FGGY: variants seen among roughly 807,000 people sequenced by gnomAD.
FGGY encodes the protein FGGY carbohydrate kinase domain containing.
FGGY carries 72 observed loss-of-function variants against 71.3 expected under a neutral mutation model. The ratio of observed to expected loss-of-function variants is 1.01; its 90% CI spans 0.84 to 1.23. FGGY has a LOEUF of 1.23. Among genes scored for constraint, FGGY ranks in the 50% most tolerant of loss-of-function variants. The probability of loss-of-function intolerance (pLI) is 0.00; values close to 1 mark genes in which losing one functional copy is unlikely to be tolerated. For synonymous variants in FGGY, 251 were observed against 250.3 expected, an observed-to-expected ratio of 1.00 and a Z score of -0.02; for missense variants, 668 against 682.3, an observed-to-expected ratio of 0.98 and a Z score of 0.23.
chr1:59,729,528 T>C (rs1265791565), intron 14 of FGGY, among the ~76,000 whole-genome samples: 1 of 152,200 alleles, frequency 6.6e-6, no homozygotes, highest in Non-Finnish European at 1.5e-5. Context: ...CTGTGTTTAA[T>C]GTTTGTTATA....
chr1:59,741,592 C>T (rs2098147977), intron 14 of FGGY, among the ~76,000 whole-genome samples: 1 of 151,624 alleles, frequency 6.6e-6, no homozygotes, highest in Non-Finnish European at 1.5e-5. Context: ...TTGCTTGAGG[C>T]CAGAAATTCA....
At chr1:59,409,598 T>TTTTATATATA (rs1491271353) in intron 5 of FGGY, among the ~76,000 whole-genome samples, 2 of 105,760 alleles carry the variant, frequency 1.9e-5, no homozygotes, top group African/African-American at 6.1e-5. Context: ...GAAGAGTTTT[T>TTTTATATATA]TATATATATA....
At chr1:59,326,938 T>G (rs1186503777) in intron 2 of FGGY, among the ~76,000 whole-genome samples, 1 of 152,198 alleles carries the variant, frequency 6.6e-6, no homozygotes, top group African/African-American at 2.4e-5. Context: ...GTAATAGCAT[T>G]AGTCTAAAAA....
intron 8 of FGGY, among the ~76,000 whole-genome samples, chr1:59,581,587 A>G (rs11207482): frequency 0.16 from 23,713 of 149,794 alleles, 3,432 homozygotes; most frequent in South Asian, 0.32. Flanking sequence ...AGACTAGCAT[A>G]TAATAGACAT....
In FGGY at chr1:59,339,955, C is replaced by A. The variant is rs753384391; in HGVS notation, c.202-3C>A. 3.1e-6 allele frequency: 5 copies of A among 1,587,572 alleles called. No individual in the cohort carries two copies. The East Asian group carries it at 8.9e-5, about 28-fold the overall frequency. On this transcript the variant is annotated splice_polypyrimidine_tract_variant and splice_region_variant and intron_variant, in intron 2 of 15. Coordinates refer to ENST00000303721, the MANE Select transcript of FGGY (RefSeq NM_018291.5). ...TTTATGTTTTTATTTGTTTTTAAAA[C>A]AGAAAGTTGTACAAGGGATTGATTT...
intron 7 of FGGY, among the ~76,000 whole-genome samples, chr1:59,523,481 G>A (rs2094891706): frequency 6.6e-6 from 1 of 152,126 alleles, no homozygotes; most frequent in Non-Finnish European, 1.5e-5. Context: ...TCTCTTAGCT[G>A]TGCATTCATA....
At chr1:59,523,380 A>C (rs766903325) in intron 7 of FGGY, among the ~76,000 whole-genome samples, 2 of 152,168 alleles carry the variant, frequency 1.3e-5, no homozygotes, top group Non-Finnish European at 2.9e-5. Context: ...ATCTCTAGTT[A>C]TTGCCCCAAG....
chr1:59,451,194 G>C (rs564865763), intron 5 of FGGY, among the ~76,000 whole-genome samples: 70 of 151,570 alleles, frequency 4.6e-4, no homozygotes, highest in African/African-American at 1.6e-3. Flanking sequence ...TAAGTGTTTT[G>C]TTTCTACTAG....
intron 5 of FGGY, among the ~76,000 whole-genome samples, chr1:59,398,478 A>T (rs1263529357): frequency 1.7e-4 from 26 of 152,214 alleles, no homozygotes; most frequent in Non-Finnish European, 1.0e-4. Context: ...ACCTCAAATG[A>T]TCCACCTGCC....
chr1:59,469,712 C>T (rs747241283), intron 6 of FGGY, among the ~76,000 whole-genome samples: 11 of 152,054 alleles, frequency 7.2e-5, no homozygotes, highest in East Asian at 1.9e-4. Flanking sequence ...GCCTAGTACC[C>T]GTTATTTTTC....
At chr1:59,720,338 A>C (rs1006367907) in intron 14 of FGGY, among the ~76,000 whole-genome samples, 5 of 152,236 alleles carry the variant, frequency 3.3e-5, no homozygotes, top group African/African-American at 1.2e-4. Flanking sequence ...GGGGAAAAAA[A>C]GGTCCTTCAG....
At chr1:59,345,018 TTG>T (rs2153218524) in intron 3 of FGGY, among the ~76,000 whole-genome samples, 1 of 152,260 alleles carries the variant, frequency 6.6e-6, no homozygotes, top group East Asian at 1.9e-4. Flanking sequence ...AAAATACACT[TTG>T]TGCATTTCCC....
At chr1:59,343,777 C>T (rs560631966) in intron 3 of FGGY, among the ~76,000 whole-genome samples, 11 of 152,142 alleles carry the variant, frequency 7.2e-5, no homozygotes, top group Non-Finnish European at 1.5e-4. Flanking sequence ...TGATTCTGTA[C>T]AATTTTCATT....
intron 8 of FGGY, among the ~76,000 whole-genome samples, chr1:59,556,405 T>A (rs2095686999): frequency 6.6e-6 from 1 of 152,226 alleles, no homozygotes; most frequent in East Asian, 1.9e-4. Flanking sequence ...ACCCATTTAA[T>A]GTACACATTT....
intron 14 of FGGY, among the ~76,000 whole-genome samples, chr1:59,745,819 T>C (rs1002582190): frequency 6.6e-6 from 1 of 152,134 alleles, no homozygotes; most frequent in African/African-American, 2.4e-5. Flanking sequence ...AATGAAGTGA[T>C]GGAGATTCTG....
chr1:59,599,707 A>AG (rs1165260735), intron 8 of FGGY, among the ~76,000 whole-genome samples: 8 of 149,904 alleles, frequency 5.3e-5, no homozygotes, highest in African/African-American at 1.7e-4. Context: ...AAAAAAAAAA[A>AG]GGAATATGTA....
chr1:59,477,419 T>C (rs143485693), intron 6 of FGGY, among the ~76,000 whole-genome samples: 1 of 152,298 alleles, frequency 6.6e-6, no homozygotes, highest in Non-Finnish European at 1.5e-5. Context: ...AGTTGACTAA[T>C]GGCCTCCTCC....
At chr1:59,401,473 C>T (rs909090215) in intron 5 of FGGY, among the ~76,000 whole-genome samples, 2 of 152,146 alleles carry the variant, frequency 1.3e-5, no homozygotes, top group African/African-American at 2.4e-5. Flanking sequence ...TAGGCAATGC[C>T]AGAGACAGAC....
At chr1:59,516,320 A>G (rs998729781) in intron 7 of FGGY, among the ~76,000 whole-genome samples, 1 of 152,218 alleles carries the variant, frequency 6.6e-6, no homozygotes, top group Non-Finnish European at 1.5e-5. Context: ...GCAACCTGTC[A>G]GTGATTGGTC....
Sources: allele counts gnomAD v4.1 joint callset (sites outside exome capture counted in the v4.1 genomes callset), GRCh38; gene constraint gnomAD v4.1.1; transcripts MANE v1.5; gene names NCBI Gene and HGNC (gene_info 2026-07-23, HGNC 2026-07-21).